Variants in TEKTL1 observed in about 807,000 individuals in gnomAD.
TEKTL1 encodes the protein tektin-like protein 1.
At chr19:15,020,734 C>A in the TEKTL1 span, 1 of 1,273,622 alleles carries the variant, frequency 7.9e-7, no homozygotes, top group Non-Finnish European at 1.1e-6. Context: ...CCGTCGCCCA[C>A]TTAGCTGTCC....
At chr19:15,020,125 T>C in the TEKTL1 span, among the ~76,000 whole-genome samples, 1 of 151,186 alleles carries the variant, frequency 6.6e-6, no homozygotes, top group South Asian at 2.1e-4. Flanking sequence ...CTAGACAACA[T>C]AGTCAGACCC....
the TEKTL1 span, among the ~76,000 whole-genome samples, chr19:15,022,702 C>T: frequency 3.5e-5 from 5 of 144,220 alleles, no homozygotes; most frequent in Admixed American, 1.5e-4. Context: ...CATTCCCCTC[C>T]CTCAGCCTGC....
At chr19:15,014,038 G>A in the TEKTL1 span, among the ~76,000 whole-genome samples, 2 of 152,132 alleles carry the variant, frequency 1.3e-5, no homozygotes, top group Non-Finnish European at 2.9e-5. Flanking sequence ...GTCCTGTGAG[G>A]CAGAAACTAT....
chr19:15,016,300 C>T, the TEKTL1 span, among the ~76,000 whole-genome samples: 3 of 149,778 alleles, frequency 2.0e-5, no homozygotes, highest in African/African-American at 5.0e-5. Flanking sequence ...AGCAATTCTC[C>T]GACCTCAGCC....
At chr19:15,018,715 A>AT in the TEKTL1 span, among the ~76,000 whole-genome samples, 1 of 68,234 alleles carries the variant, frequency 1.5e-5, no homozygotes, top group African/African-American at 4.2e-5. Flanking sequence ...CCTATCTCAA[A>AT]ATATGTATAT....
At chr19:15,016,185 C>CT in the TEKTL1 span, among the ~76,000 whole-genome samples, 7,387 of 66,636 alleles carry the variant, frequency 0.11, 639 homozygotes, top group Non-Finnish European at 0.12. Context: ...GACAGCTGTC[C>CT]TTTTTTTTTT....
At chr19:15,020,829 T>C in the TEKTL1 span, among the ~76,000 whole-genome samples, 47 of 151,388 alleles carry the variant, frequency 3.1e-4, no homozygotes, top group African/African-American at 1.1e-3. Flanking sequence ...CTTTTCCCCC[T>C]GCACTCTCCT....
At chr19:15,018,244 C>A in the TEKTL1 span, among the ~76,000 whole-genome samples, 2 of 152,128 alleles carry the variant, frequency 1.3e-5, no homozygotes, top group South Asian at 4.2e-4. Flanking sequence ...ATCCTAGCTA[C>A]TCATGAGGCT....
At chr19:15,010,925 A>T in the TEKTL1 span, 1 of 1,580,290 alleles carries the variant, frequency 6.3e-7, no homozygotes, top group South Asian at 1.2e-5. Context: ...GACCGCGCAC[A>T]TTCTGACCGA....
At chr19:15,021,948 G>C in the TEKTL1 span, 33 of 1,521,896 alleles carry the variant, frequency 2.2e-5, no homozygotes, top group East Asian at 6.8e-5. Context: ...ACCCCTCTAG[G>C]CCCAGCCCCG....
the TEKTL1 span, among the ~76,000 whole-genome samples, chr19:15,019,083 G>T: frequency 6.6e-6 from 1 of 152,066 alleles, no homozygotes; most frequent in South Asian, 2.1e-4. Context: ...TGAGTAGCTG[G>T]AATTACAGAC....
chr19:15,023,271 C>A, the TEKTL1 span: 1 of 698,240 alleles, frequency 1.4e-6, no homozygotes, highest in Non-Finnish European at 2.3e-6. Context: ...CAATAATTAT[C>A]ATGTATTAGG....
chr19:15,014,731 C>CGGGGGGGGGGGGGG, the TEKTL1 span, among the ~76,000 whole-genome samples: 4 of 11,776 alleles, frequency 3.4e-4, no homozygotes, highest in African/African-American at 9.0e-4. Context: ...AGTGGGGGGG[C>CGGGGGGGGGGGGGG]GGGGGGCGGG....
At chr19:15,013,884 C>A in the TEKTL1 span, 6 of 660,142 alleles carry the variant, frequency 9.1e-6, no homozygotes, top group East Asian at 2.7e-5. Flanking sequence ...TTCCTTCAAG[C>A]CACACTGACC....
chr19:15,014,723 TG>T, the TEKTL1 span, among the ~76,000 whole-genome samples: 20 of 5,056 alleles, frequency 4.0e-3, no homozygotes, highest in South Asian at 0.092. Flanking sequence ...GGAGACTCAG[TG>T]GGGGGGCGGG....
chr19:15,014,029 T>C, the TEKTL1 span, among the ~76,000 whole-genome samples: 1 of 152,148 alleles, frequency 6.6e-6, no homozygotes, highest in Non-Finnish European at 1.5e-5. Flanking sequence ...CTTAAGGCTG[T>C]CCTGTGAGGC....
chr19:15,021,514 C>T, the TEKTL1 span: 1 of 1,614,094 alleles, frequency 6.2e-7, no homozygotes, highest in Non-Finnish European at 8.5e-7. Flanking sequence ...GACCTTGGAG[C>T]TGAAGGTGAG....
chr19:15,011,164 G>C, the TEKTL1 span: 6 of 1,506,696 alleles, frequency 4.0e-6, no homozygotes, highest in Admixed American at 2.4e-5. Context: ...CGCTACCCTT[G>C]CACCGCAAAG....
chr19:15,013,167 T>C, the TEKTL1 span, among the ~76,000 whole-genome samples: 3 of 151,876 alleles, frequency 2.0e-5, no homozygotes, highest in Non-Finnish European at 2.9e-5. Context: ...CCCCAAAAGG[T>C]ACAAAAATTC....
Sources: allele counts gnomAD v4.1 joint callset (sites outside exome capture counted in the v4.1 genomes callset), GRCh38; gene constraint gnomAD v4.1.1; transcripts MANE v1.5; gene names NCBI Gene and HGNC (gene_info 2026-07-23, HGNC 2026-07-21).